MARK1: variants seen among roughly 807,000 people sequenced by gnomAD.
The protein encoded by MARK1 is microtubule affinity regulating kinase 1.
MARK1 carries 40 observed loss-of-function variants against 96.3 expected under a neutral mutation model. The observed-to-expected ratio is 0.42, with a 90% CI of 0.32 to 0.54. The LOEUF (loss-of-function observed/expected upper bound fraction) is 0.54, where lower values mean the gene tolerates loss of function less well. MARK1 is among the 20% of genes least tolerant of loss of function. The pLI, the probability that MARK1 is intolerant of heterozygous loss-of-function variation, is 0.16. For synonymous variants in MARK1, 317 were observed against 341.2 expected (o/e 0.93, Z 0.78); for missense variants, 719 against 984.6 (o/e 0.73, Z 3.61).
chr1:220,566,350 T>C (rs972568627), intron 1 of MARK1, among the ~76,000 whole-genome samples: 5 of 152,178 alleles, frequency 3.3e-5, no homozygotes, highest in South Asian at 2.1e-4. Flanking sequence ...TATTTAGTCT[T>C]GAATGATCTA....
chr1:220,546,696 G>A (rs1246945749), intron 1 of MARK1, among the ~76,000 whole-genome samples: 1 of 152,168 alleles, frequency 6.6e-6, no homozygotes, highest in African/African-American at 2.4e-5. Flanking sequence ...TAATTGGCTG[G>A]GTGCAGTGGC....
chr1:220,626,000 C>T, intron 9 of MARK1: 2 of 546,842 alleles, frequency 3.7e-6, no homozygotes, highest in Non-Finnish European at 7.3e-6. Flanking sequence ...TCGAGCACAG[C>T]AAGCAGATGC....
intron 16 of MARK1, among the ~76,000 whole-genome samples, chr1:220,653,787 A>G (rs1669023656): frequency 6.6e-6 from 1 of 152,220 alleles, no homozygotes. Flanking sequence ...AGAGTCACAG[A>G]TCACTTATGC....
chr1:220,600,971 C>A (rs965618228), intron 5 of MARK1, among the ~76,000 whole-genome samples: 4 of 151,568 alleles, frequency 2.6e-5, no homozygotes, highest in Non-Finnish European at 5.9e-5. Flanking sequence ...CGGTTCACTG[C>A]AAGCTCCGCC....
chr1:220,536,448 G>T (rs1195022537), intron 1 of MARK1, among the ~76,000 whole-genome samples: 1 of 149,066 alleles, frequency 6.7e-6, no homozygotes, highest in Non-Finnish European at 1.5e-5. Context: ...AAACTACTGT[G>T]TACATTTTAT....
At chr1:220,544,692 A>G (rs1000872340) in intron 1 of MARK1, among the ~76,000 whole-genome samples, 9 of 152,330 alleles carry the variant, frequency 5.9e-5, no homozygotes, top group African/African-American at 2.2e-4. Flanking sequence ...GTTATTTAAT[A>G]CTGTTTTGAC....
intron 13 of MARK1, among the ~76,000 whole-genome samples, chr1:220,640,606 A>G (rs1443192549): frequency 6.6e-6 from 1 of 152,226 alleles, no homozygotes; most frequent in Admixed American, 6.5e-5. Context: ...ATAACAGAAT[A>G]CCACATAATG....
chr1:220,623,471 A>G (rs1667154693), intron 9 of MARK1, among the ~76,000 whole-genome samples: 1 of 152,130 alleles, frequency 6.6e-6, no homozygotes, highest in South Asian at 2.1e-4. Flanking sequence ...TCCAACCTTT[A>G]TCTTCCATTC....
intron 1 of MARK1, among the ~76,000 whole-genome samples, chr1:220,549,920 G>A (rs574054038): frequency 2.6e-5 from 4 of 152,280 alleles, no homozygotes; most frequent in African/African-American, 9.6e-5. Flanking sequence ...TTCAGTAATG[G>A]TATCAAAGAA....
chr1:220,664,097 T>C lies in MARK1; in HGVS notation c.*1931T>C, dbSNP rs1442528888. The C allele has an allele frequency of 2.6e-5, 4 of 152,308 alleles. No individual in the cohort carries two copies. The highest frequency in any genetic ancestry group is 5.9e-5 in the Non-Finnish European group (4 of 68,034). The allele number at this position is 152,308 out of a possible 1,614,324, so 9.4% of individuals were successfully genotyped here. A position where few individuals can be genotyped will look rare whatever the true frequency, so the allele number is the denominator to read the frequency against. ...ATGACAAGAAAGTTTAATCTTTTTA[T>C]AGGAATTCCTGTCACTGAAATACGT... is the stretch of plus-strand genomic sequence containing the variant. On this transcript the variant is annotated 3_prime_UTR_variant, in exon 18 of 18. Coordinates refer to ENST00000366917, the MANE Select transcript of MARK1 (RefSeq NM_018650.5).
rs1419790530 is a variant in MARK1, at chr1:220,663,867, A to G, written c.*1701A>G. The G allele has an allele frequency of 6.6e-6, 1 of 152,424 alleles. No homozygotes were observed. Among genetic ancestry groups the G allele is most frequent in the Non-Finnish European group, 1.5e-5 (1 of 67,994 alleles). 9.4% of individuals were successfully genotyped at this position (152,424 alleles called of 1,614,324 possible). A position where few individuals can be genotyped will look rare whatever the true frequency, so the allele number is the denominator to read the frequency against. ...TTGATGCAAATCTTTATTCACTTTC[A>G]CTGGTGCACACTGAAATTTTACTTG... is the stretch of plus-strand genomic sequence containing the variant. On this transcript the variant is annotated 3_prime_UTR_variant, in exon 18 of 18. Coordinates refer to ENST00000366917, the MANE Select transcript of MARK1 (RefSeq NM_018650.5).
At chr1:220,533,168 T>C (rs1486492443) in intron 1 of MARK1, among the ~76,000 whole-genome samples, 1 of 152,182 alleles carries the variant, frequency 6.6e-6, no homozygotes, top group East Asian at 1.9e-4. Context: ...AATTTACAAA[T>C]CCTTTATGGC....
rs1025263178 is a variant in MARK1 at position 220,653,356 on chromosome 1, A to G, written c.1988+4A>G. On this transcript the variant is annotated splice_donor_region_variant and intron_variant, in intron 16 of 17. Transcript: ENST00000366917. ...TCACATCCAAATTTGTTCGCAGGTC[A>G]GTACCAATGTACTGTCGTGTTTTGA... The G allele has an allele frequency of 5.0e-6, 8 of 1,614,194 alleles. No homozygotes were observed. Among genetic ancestry groups the G allele is most frequent in the Admixed American group, 3.3e-5 (2 of 60,034 alleles).
In MARK1 at chr1:220,579,987, C is replaced by A. The variant is rs73093545; in HGVS notation, c.255+430C>A. Among the ~76,000 whole-genome samples, 376 of 152,002 alleles carry A rather than the reference C, an allele frequency of 2.5e-3. 3 individuals carry two copies. Among genetic ancestry groups the A allele is most frequent in the African/African-American group, 8.4e-3 (350 of 41,434 alleles). On this transcript the variant is annotated intron_variant, in intron 2 of 17. Transcript: ENST00000366917. Reference sequence around the variant, plus strand: ...CAAGTACTTCTATATGGGTGGTTTTCTCAGGTAATAAGATAATTGGATTTC... The same window carrying A: ...CAAGTACTTCTATATGGGTGGTTTTATCAGGTAATAAGATAATTGGATTTC...
intron 6 of MARK1, among the ~76,000 whole-genome samples, 158 bp from the exon 7 acceptor site, chr1:220,615,781 C>G (rs146843544): frequency 0.011 from 1,733 of 152,192 alleles, 28 homozygotes; most frequent in African/African-American, 0.04. Context: ...AAAGTTTCAT[C>G]ACTTTAATGT....
In MARK1 at chr1:220,598,398, T is replaced by TA. The variant is rs1553326399; in HGVS notation, c.358+19_358+20insA. On this transcript the variant is annotated intron_variant, in intron 4 of 17. Transcript: ENST00000366917. ...AATATAGGTATGAAATATATATATA[T>TA]TATATATATATATATATATAATTAG... 2 of 213,520 alleles carry TA rather than the reference T, an allele frequency of 9.4e-6. No individual in the cohort carries two copies. Among genetic ancestry groups the TA allele is most frequent in the East Asian group, 1.6e-4 (1 of 6,318 alleles). 13.2% of individuals were successfully genotyped at this position (213,520 alleles called of 1,614,324 possible).
intron 1 of MARK1, among the ~76,000 whole-genome samples, chr1:220,561,306 G>C (rs1468601358): frequency 6.6e-6 from 1 of 152,094 alleles, no homozygotes; most frequent in East Asian, 1.9e-4. Context: ...GCAGTCCAGG[G>C]CAGCTTTGAA....
Position 220,653,228 on chromosome 1 carries a change from C to T in MARK1, c.1864C>T (p.Arg622Ter), listed in dbSNP as rs899963458. Reference protein sequence around the residue: ...STFHGEQLRERRSVAYNGPPA... With the variant: ...STFHGEQLRE ...TTTCCATGGTGAACAGCTCCGGGAG[C>T]GACGCAGCGTTGCTTATAATGGGCC... is the stretch of plus-strand genomic sequence containing the variant. Residue 622 changes from arginine to a stop codon, truncating the protein, a stop_gained, in exon 16 of 18, where the codon CGA becomes TGA. Coordinates refer to ENST00000366917, the MANE Select transcript of MARK1 (RefSeq NM_018650.5). LOFTEE classifies it high-confidence loss of function. 1.9e-6 allele frequency: 3 copies of T among 1,614,152 alleles called. No homozygotes were observed. The highest frequency in any genetic ancestry group is 1.1e-5 in the South Asian group (1 of 91,080).
intron 1 of MARK1, among the ~76,000 whole-genome samples, chr1:220,554,606 G>A (rs1184474305): frequency 1.3e-5 from 2 of 152,176 alleles, no homozygotes; most frequent in Non-Finnish European, 2.9e-5. Flanking sequence ...AAATGAAGCA[G>A]CAAGCTGGTT....
Sources: allele counts gnomAD v4.1 joint callset (sites outside exome capture counted in the v4.1 genomes callset), GRCh38; gene constraint gnomAD v4.1.1; transcripts MANE v1.5; gene names NCBI Gene and HGNC (gene_info 2026-07-23, HGNC 2026-07-21).